Variants in PTPRD observed in about 807,000 individuals in gnomAD.
PTPRD encodes receptor-type tyrosine-protein phosphatase delta.
A neutral mutation model predicts 214.5 loss-of-function variants in PTPRD; 34 were observed. The ratio of observed to expected loss-of-function variants is 0.16; its 90% CI spans 0.12 to 0.21. The LOEUF is 0.21. Ranked by LOEUF, PTPRD falls within the 10% of genes least tolerant of loss-of-function variation. The pLI is 1.00. For missense variants in PTPRD, 2,545 were observed against 2,398.7 expected (o/e 1.06, Z -1.27); for synonymous variants, 1,128 against 845.7 (o/e 1.33, Z -5.79).
intron 36 of PTPRD, among the ~76,000 whole-genome samples, chr9:8,390,642 A>G (rs1304398767): frequency 6.6e-6 from 1 of 152,232 alleles, no homozygotes; most frequent in Non-Finnish European, 1.5e-5. Context: ...TCCAACATGT[A>G]ATCAGTAGCA....
intron 4 of PTPRD, among the ~76,000 whole-genome samples, chr9:9,946,398 G>T (rs950811134): frequency 2.0e-5 from 3 of 152,146 alleles, no homozygotes; most frequent in Non-Finnish European, 2.9e-5. Context: ...TGAGTGGCAT[G>T]TAAGAGGTTA....
At chr9:8,800,621 T>A (rs2096552231) in intron 11 of PTPRD, among the ~76,000 whole-genome samples, 1 of 152,198 alleles carries the variant, frequency 6.6e-6, no homozygotes, top group South Asian at 2.1e-4. Flanking sequence ...GAAGCATGAA[T>A]AATCCACCCC....
rs4008208 is a variant in PTPRD, at chr9:8,338,847, C to CAGAGAGAG, written c.5379+67_5379+74dup. ...ACAGTCAAGTGGCAAGTGCTTCTCC[C>CAGAGAGAG]AGAGAGAGAGAGAGAGAGGTATCTT... On this transcript the variant is annotated intron_variant, in intron 43 of 45. Transcript: ENST00000381196. 17,751 of 1,076,710 alleles carry CAGAGAGAG rather than the reference C, an allele frequency of 0.016. 859 individuals are homozygous for CAGAGAGAG. In the African/African-American group the frequency reaches 0.18, roughly 11 times the overall value. 66.7% of individuals were successfully genotyped at this position (1,076,710 alleles called of 1,614,324 possible).
intron 2 of PTPRD, among the ~76,000 whole-genome samples, chr9:10,450,537 T>C (rs1454251413): frequency 6.6e-6 from 1 of 152,080 alleles, no homozygotes; most frequent in Non-Finnish European, 1.5e-5. Context: ...CTGTAGTTTA[T>C]ATTTTACGAA....
intron 8 of PTPRD, among the ~76,000 whole-genome samples, chr9:9,530,533 C>A (rs976231507): frequency 1.3e-5 from 2 of 152,108 alleles, no homozygotes. Context: ...GACCACATTG[C>A]TTCACTGCTG....
chr9:8,966,677 C>G (rs557566586), intron 11 of PTPRD, among the ~76,000 whole-genome samples: 1 of 151,936 alleles, frequency 6.6e-6, no homozygotes, highest in Admixed American at 6.6e-5. Context: ...TAGGAAATAC[C>G]CTTCTCAACA....
intron 2 of PTPRD, among the ~76,000 whole-genome samples, chr9:10,543,400 CAT>C (rs1566842838): frequency 6.6e-6 from 1 of 151,854 alleles, no homozygotes; most frequent in South Asian, 2.1e-4. Context: ...AAAATTTACT[CAT>C]AGAATTTGTG....
chr9:9,542,075 A>T (rs915121933), intron 8 of PTPRD, among the ~76,000 whole-genome samples: 11 of 151,800 alleles, frequency 7.2e-5, no homozygotes, highest in African/African-American at 2.4e-4. Context: ...GAAAAGATCA[A>T]GAAAAATGAC....
chr9:10,602,340 G>A (rs58226076), intron 2 of PTPRD, among the ~76,000 whole-genome samples: 1 of 151,688 alleles, frequency 6.6e-6, no homozygotes, highest in Non-Finnish European at 1.5e-5. Flanking sequence ...AGGGCACCAG[G>A]TTTCAATCAA....
In PTPRD at chr9:8,779,640, G is replaced by A. The variant is rs529979728; in HGVS notation, c.-103-45694C>T. On this transcript the variant is annotated intron_variant, in intron 11 of 45. Transcript: ENST00000381196. ...CCCTCACACACACAGAGCCAGAGAT[G>A]CCACTATCTCCTCAGCCATTTCAAG... Among the ~76,000 whole-genome samples, 7 of 152,178 alleles carry A rather than the reference G, an allele frequency of 4.6e-5. No individual in the cohort carries two copies. The East Asian group carries it at 1.4e-3, about 29-fold the overall frequency.
At chr9:10,243,640 T>A (rs1201826279) in intron 3 of PTPRD, among the ~76,000 whole-genome samples, 1 of 151,962 alleles carries the variant, frequency 6.6e-6, no homozygotes, top group African/African-American at 2.4e-5. Flanking sequence ...AAAAGAGATA[T>A]GTATATTTTC....
intron 5 of PTPRD, among the ~76,000 whole-genome samples, chr9:9,896,772 C>A (rs529900210): frequency 6.6e-6 from 1 of 152,104 alleles, no homozygotes; most frequent in Non-Finnish European, 1.5e-5. Flanking sequence ...TAATTGAGTA[C>A]ATTTTCAAAT....
rs559013541 is a variant in PTPRD at position 9,439,222 on chromosome 9, G to A, written c.-236-41740C>T. Among the ~76,000 whole-genome samples the A allele has an allele frequency of 3.1e-3, 465 of 152,052 alleles. 5 individuals carry two copies. The highest frequency in any genetic ancestry group is 0.011 in the African/African-American group (448 of 41,480). On this transcript the variant is annotated intron_variant, in intron 8 of 45. Transcript: ENST00000381196. The stretch of plus-strand genomic sequence containing the variant: ...TTTTTTTAATCAATAGAAGTTTGAA[G>A]CATAAGAAAGAAATTAGTGAGTACT...
At chr9:9,324,096 A>G (rs10977661) in intron 9 of PTPRD, among the ~76,000 whole-genome samples, 18,042 of 152,136 alleles carry the variant, frequency 0.12, 1,329 homozygotes, top group Non-Finnish European at 0.16. Flanking sequence ...TCATTGATGG[A>G]CATTTGGGTT....
chr9:9,377,098 A>G (rs1028445271), intron 9 of PTPRD, among the ~76,000 whole-genome samples: 1 of 152,026 alleles, frequency 6.6e-6, no homozygotes, highest in Admixed American at 6.6e-5. Flanking sequence ...TTTTTTTTTA[A>G]TTTCAAAAGG....
chr9:8,672,227 G>T (rs1355183518), intron 12 of PTPRD, among the ~76,000 whole-genome samples: 1 of 152,088 alleles, frequency 6.6e-6, no homozygotes, highest in Non-Finnish European at 1.5e-5. Context: ...TCTTCGCTGA[G>T]ACGTGAAAAT....
intron 10 of PTPRD, among the ~76,000 whole-genome samples, chr9:9,179,929 T>G (rs777035892): frequency 6.6e-5 from 10 of 152,120 alleles, no homozygotes; most frequent in Non-Finnish European, 1.3e-4. Context: ...ATGTACAATA[T>G]GTTTTGCACA....
intron 5 of PTPRD, among the ~76,000 whole-genome samples, chr9:9,887,119 C>T (rs909205464): frequency 2.6e-5 from 4 of 152,130 alleles, no homozygotes; most frequent in African/African-American, 9.7e-5. Context: ...CAGTGACTTA[C>T]ACATTGGTGG....
intron 11 of PTPRD, among the ~76,000 whole-genome samples, chr9:8,799,167 G>C (rs921628666): frequency 1.3e-5 from 2 of 152,116 alleles, no homozygotes. Context: ...TTTCAAATTT[G>C]TCTGTTTTAA....
Sources: gnomAD v4.1 joint callset for allele counts (sites outside exome capture counted in the v4.1 genomes callset) on GRCh38, gnomAD v4.1.1 for gene constraint, MANE v1.5 for transcripts, NCBI Gene and HGNC (gene_info 2026-07-23, HGNC 2026-07-21) for gene names.